The following KCNMA1 variants were observed in gnomAD, a reference collection of about 807,000 sequenced individuals.
KCNMA1 encodes the protein Calcium-activated potassium channel subunit alpha-1.
KCNMA1 carries 29 observed loss-of-function variants against 140.0 expected under a neutral mutation model. The observed-to-expected ratio is 0.21, with a 90% CI of 0.15 to 0.28. KCNMA1 has a LOEUF of 0.28. Among genes scored for constraint, KCNMA1 ranks in the 10% least tolerant of loss-of-function variants. The pLI is 1.00. For missense variants in KCNMA1, 880 were observed against 1,602.2 expected (o/e 0.55, Z 7.70); for synonymous variants, 612 against 611.9 (o/e 1.00, Z 0.00).
intron 5 of KCNMA1, among the ~76,000 whole-genome samples, chr10:77,163,998 T>C (rs1249939788): frequency 2.6e-5 from 4 of 152,218 alleles, no homozygotes; most frequent in African/African-American, 9.6e-5. Context: ...AGCAAATTCC[T>C]GGGCATCCCC....
intron 1 of KCNMA1, among the ~76,000 whole-genome samples, chr10:77,529,475 G>A (rs1237847726): frequency 6.6e-6 from 1 of 152,026 alleles, no homozygotes. Context: ...CTTTGTCAAA[G>A]CACCATGTTC....
chr10:77,218,502 C>A (rs2048519080), intron 3 of KCNMA1, among the ~76,000 whole-genome samples: 1 of 152,120 alleles, frequency 6.6e-6, no homozygotes, highest in African/African-American at 2.4e-5. Context: ...AGCCTTGCAT[C>A]CAGCCTGGCT....
At chr10:77,134,733 T>C (rs546512195) in intron 5 of KCNMA1, among the ~76,000 whole-genome samples, 3 of 151,924 alleles carry the variant, frequency 2.0e-5, no homozygotes, top group African/African-American at 7.2e-5. Context: ...GCGCAGTGGC[T>C]CACGCCTGTA....
chr10:77,431,880 C>G (rs1309666525), intron 1 of KCNMA1, among the ~76,000 whole-genome samples: 1 of 152,002 alleles, frequency 6.6e-6, no homozygotes, highest in Non-Finnish European at 1.5e-5. Flanking sequence ...GTAGTCCCAG[C>G]TACTCGGGAG....
chr10:77,605,809 C>T (rs186005760), intron 1 of KCNMA1, among the ~76,000 whole-genome samples: 1 of 152,336 alleles, frequency 6.6e-6, no homozygotes, highest in African/African-American at 2.4e-5. Context: ...TAGGTGCTTC[C>T]TAACTGCCAC....
At chr10:77,371,041 C>T (rs931005702) in intron 2 of KCNMA1, among the ~76,000 whole-genome samples, 3 of 152,218 alleles carry the variant, frequency 2.0e-5, no homozygotes, top group African/African-American at 7.2e-5. Flanking sequence ...ACTTGAACCA[C>T]AGGTTAAATC....
chr10:77,374,004 G>C (rs1321906158), intron 2 of KCNMA1, among the ~76,000 whole-genome samples: 1 of 152,218 alleles, frequency 6.6e-6, no homozygotes. Context: ...GATAATGGGA[G>C]ATGAGATGAA....
At chr10:77,116,672 A>T (rs888229746) in intron 6 of KCNMA1, among the ~76,000 whole-genome samples, 4 of 152,054 alleles carry the variant, frequency 2.6e-5, no homozygotes, top group Non-Finnish European at 5.9e-5. Context: ...AAATTCTGCC[A>T]ATTCAATCCC....
intron 18 of KCNMA1, among the ~76,000 whole-genome samples, chr10:77,004,213 C>CCA (rs35789536): frequency 0.074 from 10,704 of 144,346 alleles, 394 homozygotes; most frequent in African/African-American, 0.092. Context: ...ACAAGTGCCA[C>CCA]CACACACACA....
intron 3 of KCNMA1, among the ~76,000 whole-genome samples, chr10:77,247,568 G>C (rs1018846645): frequency 6.6e-6 from 1 of 152,178 alleles, no homozygotes; most frequent in Non-Finnish European, 1.5e-5. Context: ...GGTTGGCGTT[G>C]GTGTCGGGAG....
chr10:77,572,603 TAA>T (rs1555462853), intron 1 of KCNMA1, among the ~76,000 whole-genome samples: 1 of 98,662 alleles, frequency 1.0e-5, no homozygotes, highest in Non-Finnish European at 2.1e-5. Context: ...TATATATATA[TAA>T]ATTAGCTGGG....
chr10:77,223,115 G>C (rs1464717466), intron 3 of KCNMA1, among the ~76,000 whole-genome samples: 12 of 152,116 alleles, frequency 7.9e-5, no homozygotes, highest in Admixed American at 7.2e-4. Flanking sequence ...TGTAGTCCCA[G>C]CTACTCGGGA....
chr10:77,598,384 A>AT (rs1387257661), intron 1 of KCNMA1, among the ~76,000 whole-genome samples: 1 of 152,028 alleles, frequency 6.6e-6, no homozygotes, highest in African/African-American at 2.4e-5. Context: ...TATCCAGCAA[A>AT]TTTTTGCTGA....
chr10:76,975,039 C>G (rs1039113155), intron 19 of KCNMA1, among the ~76,000 whole-genome samples: 1 of 152,166 alleles, frequency 6.6e-6, no homozygotes, highest in African/African-American at 2.4e-5. Context: ...GTTGTGGTAT[C>G]AGTGCCTAAC....
At chr10:77,199,283 G>A (rs531197782) in intron 3 of KCNMA1, among the ~76,000 whole-genome samples, 1 of 152,304 alleles carries the variant, frequency 6.6e-6, no homozygotes, top group East Asian at 1.9e-4. Context: ...CAGGCACTAT[G>A]CTGGTTTTGG....
intron 14 of KCNMA1, chr10:77,063,885 T>C: frequency 1.0e-6 from 1 of 985,460 alleles, no homozygotes; most frequent in Non-Finnish European, 1.2e-6. Context: ...GAGCTCAGAC[T>C]GATGCTTGGC....
At chr10:77,174,664 A>C (rs1440653885) in intron 5 of KCNMA1, among the ~76,000 whole-genome samples, 1 of 152,244 alleles carries the variant, frequency 6.6e-6, no homozygotes, top group African/African-American at 2.4e-5. Context: ...GTGGATTGGT[A>C]AGCCTGGCTA....
chr10:77,285,178 C>A (rs1454513178), intron 2 of KCNMA1, among the ~76,000 whole-genome samples: 1 of 152,180 alleles, frequency 6.6e-6, no homozygotes, highest in Non-Finnish European at 1.5e-5. Context: ...TTCGACTGAG[C>A]AGAACATCAT....
chr10:77,152,283 T>G (rs202122839), intron 5 of KCNMA1, among the ~76,000 whole-genome samples: 6 of 66,434 alleles, frequency 9.0e-5, no homozygotes, highest in Non-Finnish European at 1.3e-4. Flanking sequence ...TGCTTTTGTG[T>G]GTGTGTGTGT....
Sources: allele counts gnomAD v4.1 joint callset (sites outside exome capture counted in the v4.1 genomes callset), GRCh38; gene constraint gnomAD v4.1.1; transcripts MANE v1.5; gene names NCBI Gene and HGNC (gene_info 2026-07-23, HGNC 2026-07-21).